Variants in FCHO2 observed in about 807,000 individuals in gnomAD.
FCHO2 encodes the protein F-BAR domain only protein 2.
FCHO2 carries 43 observed loss-of-function variants against 114.1 expected under a neutral mutation model. The observed-to-expected ratio is 0.38, with a 90% CI of 0.30 to 0.49. FCHO2 has a LOEUF of 0.49. FCHO2 is among the 20% of genes least tolerant of loss of function. The probability of loss-of-function intolerance (pLI) is 0.97; values close to 1 mark genes in which losing one functional copy is unlikely to be tolerated. For missense variants in FCHO2, 807 were observed against 950.4 expected, an observed-to-expected ratio of 0.85 and a Z score of 1.98; for synonymous variants, 293 against 315.2, an observed-to-expected ratio of 0.93 and a Z score of 0.75.
chr5:72,982,690 G>A (rs761003927), intron 2 of FCHO2, among the ~76,000 whole-genome samples: 4 of 152,070 alleles, frequency 2.6e-5, no homozygotes, highest in African/African-American at 4.8e-5. Context: ...CTAAAAAGTC[G>A]TCACCATACC....
intron 1 of FCHO2, among the ~76,000 whole-genome samples, chr5:72,957,243 A>T (rs1225066305): frequency 6.7e-6 from 1 of 150,266 alleles, no homozygotes; most frequent in Non-Finnish European, 1.5e-5. Flanking sequence ...TTTCCGTACC[A>T]ATACACTCAT....
At chr5:73,024,883 G>T (rs1273801453) in intron 8 of FCHO2, among the ~76,000 whole-genome samples, 1 of 152,154 alleles carries the variant, frequency 6.6e-6, no homozygotes, top group African/African-American at 2.4e-5. Context: ...CATTTCTCAT[G>T]AATAAGTAGC....
chr5:73,088,415 G>T lies in FCHO2; in HGVS notation c.*325G>T. ...AAAAAAGGGTTATAGTGTAATATCA[G>T]GCCTAAAGTTTCAGAAGAGCAAGCA... On this transcript the variant is annotated 3_prime_UTR_variant, in exon 26 of 26. Transcript: ENST00000430046. The T allele has an allele frequency of 4.1e-6, 1 of 244,646 alleles. No individual in the cohort carries two copies. Among genetic ancestry groups the T allele is most frequent in the South Asian group, 9.7e-5 (1 of 10,346 alleles). The allele number at this position is 244,646 out of a possible 1,614,324, so 15.2% of individuals were successfully genotyped here.
At chr5:72,969,922 A>G (rs1157205684) in intron 2 of FCHO2, among the ~76,000 whole-genome samples, 1 of 152,122 alleles carries the variant, frequency 6.6e-6, no homozygotes, top group Non-Finnish European at 1.5e-5. Flanking sequence ...TGCACTTGTG[A>G]TAGTGCTTGT....
Position 73,087,603 on chromosome 5 carries a change from C to T in FCHO2, c.2260C>T (p.Arg754Ter). The T allele has an allele frequency of 6.2e-7, 1 of 1,613,670 alleles. No individual in the cohort carries two copies. The change falls in exon 25 of 26, where the codon CGA becomes TGA. Residue 754 changes from arginine (R) to a stop codon, truncating the protein, a stop_gained. Coordinates refer to ENST00000430046, the MANE Select transcript of FCHO2 (RefSeq NM_138782.3). LOFTEE classifies it high-confidence loss of function. The stretch of plus-strand genomic sequence containing the variant: ...TTTCTTTGTAGGTTCTGGGTCCCTC[C>T]GAGCAAAATTTGATCTTTCAGAAGG... ...KSENGGSGSLRAKFDLSEGPS... is the reference protein window; with the variant it reads ...KSENGGSGSL
At chr5:73,024,468 C>A (rs1755807526) in intron 8 of FCHO2, among the ~76,000 whole-genome samples, 1 of 150,514 alleles carries the variant, frequency 6.6e-6, no homozygotes, top group Non-Finnish European at 1.5e-5. Flanking sequence ...GAGTCGGAGT[C>A]TCGCTCCGTC....
At chr5:72,985,732 A>G (rs1262443062) in intron 2 of FCHO2, among the ~76,000 whole-genome samples, 1 of 152,110 alleles carries the variant, frequency 6.6e-6, no homozygotes, top group Non-Finnish European at 1.5e-5. Flanking sequence ...GGTTCTTTGA[A>G]GGTAACATTT....
In FCHO2 at chr5:73,075,873, T is replaced by C. The variant is rs570519448; in HGVS notation, c.1691+1020T>C. ...CATCTTAGTGGAAATGTTGAATTGATACTTGGATACATGATTCTGGAGTTC... is the reference window on the plus strand; with the variant it reads ...CATCTTAGTGGAAATGTTGAATTGACACTTGGATACATGATTCTGGAGTTC... On this transcript the variant is annotated intron_variant, in intron 20 of 25. Coordinates refer to ENST00000430046, the MANE Select transcript of FCHO2 (RefSeq NM_138782.3). Among the ~76,000 whole-genome samples the C allele has an allele frequency of 1.5e-4, 22 of 150,822 alleles. No individual in the cohort carries two copies. The Middle Eastern group carries it at 0.017, about 117-fold the overall frequency.
At chr5:73,001,786 A>G (rs192431536) in intron 5 of FCHO2, among the ~76,000 whole-genome samples, 1 of 152,120 alleles carries the variant, frequency 6.6e-6, no homozygotes, top group South Asian at 2.1e-4. Context: ...AAAAAGAAAA[A>G]AAATTAGCCA....
Position 72,974,283 on chromosome 5 carries a change from T to G in FCHO2, c.125+5694T>G, listed in dbSNP as rs376241490. Among the ~76,000 whole-genome samples the G allele has an allele frequency of 9.1e-3, 994 of 109,810 alleles. 12 individuals carry two copies. The highest frequency in any genetic ancestry group is 0.019 in the East Asian group (55 of 2,916). 72.0% of individuals were successfully genotyped at this position (109,810 alleles called of 152,430 possible). ...TGTTGACTTTCTGTCTCGTTGATCTTTCTAATGTTGACAGTGGGGTGTTAA... is the reference window on the plus strand; with the variant it reads ...TGTTGACTTTCTGTCTCGTTGATCTGTCTAATGTTGACAGTGGGGTGTTAA... On this transcript the variant is annotated intron_variant, in intron 2 of 25. Transcript: ENST00000430046.
At chr5:72,993,782 G>A (rs1006204640) in intron 5 of FCHO2, among the ~76,000 whole-genome samples, 8 of 152,156 alleles carry the variant, frequency 5.3e-5, no homozygotes, top group Non-Finnish European at 8.8e-5. Context: ...AAATCTTTTA[G>A]TGATACCTTT....
At chr5:73,052,544 T>C in intron 13 of FCHO2, 37 bp downstream of exon 13, 1 of 1,472,830 alleles carries the variant, frequency 6.8e-7, no homozygotes, top group Non-Finnish European at 9.1e-7. Flanking sequence ...TATATAAAAG[T>C]CTTTATTTTT....
chr5:73,002,551 C>T (rs1386082631), intron 5 of FCHO2, among the ~76,000 whole-genome samples: 2 of 152,086 alleles, frequency 1.3e-5, no homozygotes, highest in African/African-American at 4.8e-5. Context: ...TATTTGAATT[C>T]TTCCACTTCA....
intron 16 of FCHO2, among the ~76,000 whole-genome samples, chr5:73,057,374 CTG>C (rs574131815): frequency 6.6e-6 from 1 of 152,082 alleles, no homozygotes; most frequent in African/African-American, 2.4e-5. Flanking sequence ...TGTTTTAAAA[CTG>C]TTTTTAGGAG....
chr5:72,966,933 T>C (rs770059611), intron 1 of FCHO2, among the ~76,000 whole-genome samples: 18 of 152,246 alleles, frequency 1.2e-4, no homozygotes, highest in Non-Finnish European at 1.9e-4. Flanking sequence ...TAAGGATTCA[T>C]AGGATTAAAC....
At chr5:73,082,087 G>T in intron 23 of FCHO2, 105 bp downstream of exon 23, 1 of 1,095,932 alleles carries the variant, frequency 9.1e-7, no homozygotes, top group Admixed American at 3.0e-5. Flanking sequence ...AAAAATTTTT[G>T]TGCCTTTTTC....
chr5:73,068,823 G>A, intron 19 of FCHO2, 44 bp downstream of exon 19: 1 of 1,563,750 alleles, frequency 6.4e-7, no homozygotes, highest in Non-Finnish European at 8.7e-7. Context: ...AGTGTACAAA[G>A]TATATGTATG....
At chr5:73,026,342 C>T (rs553477425) in intron 8 of FCHO2, among the ~76,000 whole-genome samples, 15 of 151,932 alleles carry the variant, frequency 9.9e-5, no homozygotes, top group Admixed American at 2.6e-4. Flanking sequence ...TGGTGGTGGG[C>T]GCCTGTAATC....
At chr5:73,001,778 A>G (rs1430213631) in intron 5 of FCHO2, among the ~76,000 whole-genome samples, 2 of 152,074 alleles carry the variant, frequency 1.3e-5, no homozygotes, top group South Asian at 2.1e-4. Context: ...CTCTACAAAA[A>G]AAGAAAAAAA....
Sources: allele counts gnomAD v4.1 joint callset (sites outside exome capture counted in the v4.1 genomes callset), GRCh38; gene constraint gnomAD v4.1.1; transcripts MANE v1.5; gene names NCBI Gene and HGNC (gene_info 2026-07-23, HGNC 2026-07-21).